PRKN: variants seen among roughly 807,000 people sequenced by gnomAD.
PRKN encodes the protein E3 ubiquitin-protein ligase parkin.
A neutral mutation model predicts 59.5 loss-of-function variants in PRKN; 56 were observed. That is an observed-to-expected ratio of 0.94 (90% CI 0.76 to 1.18). PRKN has a LOEUF of 1.18. Ranked by LOEUF, PRKN falls within the 50% of genes most tolerant of loss-of-function variation. The probability of loss-of-function intolerance (pLI) is 0.00; values close to 1 mark genes in which losing one functional copy is unlikely to be tolerated. For missense variants in PRKN, 657 were observed against 596.4 expected (o/e 1.10, Z -1.06); for synonymous variants, 250 against 222.1 (o/e 1.13, Z -1.12).
chr6:162,489,947 G>A (rs895477650), intron 1 of PRKN, among the ~76,000 whole-genome samples: 2 of 152,046 alleles, frequency 1.3e-5, no homozygotes, highest in African/African-American at 4.8e-5. Flanking sequence ...TTAAATCCTT[G>A]TTTCTTTTTA....
At chr6:162,214,339 G>C (rs1000480707) in intron 3 of PRKN, among the ~76,000 whole-genome samples, 1 of 152,120 alleles carries the variant, frequency 6.6e-6, no homozygotes, top group Non-Finnish European at 1.5e-5. Context: ...AGAGAGTCAA[G>C]ACAGAAACCA....
In PRKN at chr6:161,363,688, C is replaced by T. The variant is rs942353507; in HGVS notation, c.1168-3483G>A. ...TACAAAGAAGTTACAATTATTCCCC[C>T]CAGCTGATTTCTTAATGCATGGGTG... On this transcript the variant is annotated intron_variant, in intron 10 of 11. Transcript: ENST00000366898. The surrounding 1 kb of genome is among the most constrained non-coding windows in gnomAD (Gnocchi z 4.1). Among the ~76,000 whole-genome samples, 4 of 152,096 alleles carry T rather than the reference C, an allele frequency of 2.6e-5. No individual in the cohort carries two copies. Among genetic ancestry groups the T allele is most frequent in the Non-Finnish European group, 4.4e-5 (3 of 68,018 alleles).
chr6:162,414,441 C>T (rs1394628899), intron 2 of PRKN, among the ~76,000 whole-genome samples: 3 of 151,676 alleles, frequency 2.0e-5, no homozygotes, highest in Non-Finnish European at 4.4e-5. Context: ...GGCGTGGTGG[C>T]TCACACCTGT....
At chr6:162,253,423 A>G (rs757030807) in intron 3 of PRKN, among the ~76,000 whole-genome samples, 1 of 152,216 alleles carries the variant, frequency 6.6e-6, no homozygotes, top group East Asian at 1.9e-4. Flanking sequence ...TCTTCTTGGC[A>G]TGAAGAGAAT....
rs922143281 is a variant in PRKN, at chr6:161,762,881, G to A, written c.871+22891C>T. ...ATCTTTCCTTTCCTGTAACATTCTA[G>A]AAAGGATCTGAGACAATTATACAAA... On this transcript the variant is annotated intron_variant, in intron 7 of 11. Transcript: ENST00000366898. Among the ~76,000 whole-genome samples the A allele has an allele frequency of 2.0e-4, 31 of 152,088 alleles. 1 individual carries two copies. Among genetic ancestry groups the A allele is most frequent in the Non-Finnish European group, 2.9e-5 (2 of 68,028 alleles).
At chr6:162,318,815 G>A (rs1486288507) in intron 2 of PRKN, among the ~76,000 whole-genome samples, 8 of 151,916 alleles carry the variant, frequency 5.3e-5, no homozygotes, top group Admixed American at 2.0e-4. Context: ...AAGCAAAAAC[G>A]AATTGAAAAA....
chr6:161,621,490 G>A (rs756844936), intron 7 of PRKN, among the ~76,000 whole-genome samples: 4 of 152,076 alleles, frequency 2.6e-5, no homozygotes, highest in African/African-American at 9.7e-5. Context: ...CCCAGCTCCA[G>A]TAAAGAGAAA....
intron 2 of PRKN, among the ~76,000 whole-genome samples, chr6:162,404,637 C>T (rs1787970368): frequency 6.6e-6 from 1 of 152,052 alleles, no homozygotes; most frequent in African/African-American, 2.4e-5. Flanking sequence ...ACTGCAACCT[C>T]CACCTCCCAG....
intron 1 of PRKN, among the ~76,000 whole-genome samples, chr6:162,657,459 A>G (rs963356230): frequency 6.6e-6 from 1 of 152,178 alleles, no homozygotes; most frequent in Non-Finnish European, 1.5e-5. Flanking sequence ...GTGTTTTATT[A>G]CATTCATTTA....
intron 1 of PRKN, among the ~76,000 whole-genome samples, chr6:162,476,590 A>G (rs560604837): frequency 6.6e-6 from 1 of 152,312 alleles, no homozygotes; most frequent in African/African-American, 2.4e-5. Flanking sequence ...AAAAGAAAAC[A>G]GGCAGCACAG....
chr6:161,486,522 A>G (rs1284481957), intron 9 of PRKN, among the ~76,000 whole-genome samples: 1 of 152,204 alleles, frequency 6.6e-6, no homozygotes, highest in Non-Finnish European at 1.5e-5. Flanking sequence ...CTCGGAGCAG[A>G]TAAGTCACTG....
intron 1 of PRKN, among the ~76,000 whole-genome samples, chr6:162,530,960 G>T (rs1438512725): frequency 6.6e-6 from 1 of 151,430 alleles, no homozygotes. Flanking sequence ...GGTAGCCTGA[G>T]GCAGGAGAAT....
chr6:162,362,875 TCTC>T (rs1191047406), intron 2 of PRKN, among the ~76,000 whole-genome samples: 1 of 152,018 alleles, frequency 6.6e-6, no homozygotes, highest in Non-Finnish European at 1.5e-5. Flanking sequence ...ACGCCTGTAA[TCTC>T]AACGCTTTGG....
intron 5 of PRKN, among the ~76,000 whole-genome samples, chr6:162,037,097 G>C (rs1422687277): frequency 6.6e-6 from 1 of 152,122 alleles, no homozygotes; most frequent in Non-Finnish European, 1.5e-5. Flanking sequence ...GTACCTTTTG[G>C]AACTAAGGAC....
chr6:162,693,809 A>T (rs1226467935), intron 1 of PRKN, among the ~76,000 whole-genome samples: 1 of 152,242 alleles, frequency 6.6e-6, no homozygotes, highest in African/African-American at 2.4e-5. Flanking sequence ...CAAACAGGAG[A>T]TAAACAGGAA....
At chr6:161,725,851 G>C (rs545351627) in intron 7 of PRKN, among the ~76,000 whole-genome samples, 1 of 152,206 alleles carries the variant, frequency 6.6e-6, no homozygotes, top group Admixed American at 6.5e-5. Context: ...TCAGGGACCA[G>C]TCCCTCTTCT....
At chr6:162,713,750 C>CA (rs113931402) in intron 1 of PRKN, among the ~76,000 whole-genome samples, 10 of 147,034 alleles carry the variant, frequency 6.8e-5, no homozygotes, top group Non-Finnish European at 1.1e-4. Flanking sequence ...TTTGTAAAAG[C>CA]AAAAAAAAAG....
chr6:162,660,922 T>G (rs1778850776), intron 1 of PRKN, among the ~76,000 whole-genome samples: 1 of 152,132 alleles, frequency 6.6e-6, no homozygotes, highest in South Asian at 2.1e-4. Flanking sequence ...ATGAAATTTA[T>G]GACACTAAGA....
rs559449032 is a variant in PRKN, at chr6:162,262,299, A to G, written c.412+226T>C. ...ACATCACTAGAAACATATCTCTTATATTTAATCTCAATATGAAAACCTGTT... is the reference window on the plus strand; with the variant it reads ...ACATCACTAGAAACATATCTCTTATGTTTAATCTCAATATGAAAACCTGTT... On this transcript the variant is annotated intron_variant, in intron 3 of 11. Transcript: ENST00000366898. Among the ~76,000 whole-genome samples the G allele has an allele frequency of 2.0e-4, 30 of 152,286 alleles. 1 individual carries two copies. The highest frequency in any genetic ancestry group is 1.8e-3 in the Admixed American group (28 of 15,290).
Sources: allele counts gnomAD v4.1 joint callset (sites outside exome capture counted in the v4.1 genomes callset), GRCh38; gene constraint gnomAD v4.1.1; non-coding constraint Gnocchi (gnomAD v3.1); transcripts MANE v1.5; gene names NCBI Gene and HGNC (gene_info 2026-07-23, HGNC 2026-07-21).